The following TSC22D3 variants were observed in gnomAD, a reference collection of about 807,000 sequenced individuals.
TSC22D3 encodes TSC22 domain family protein 3.
TSC22D3 carries 4 observed loss-of-function variants against 11.1 expected under a neutral mutation model. That is an observed-to-expected ratio of 0.36 (90% CI 0.18 to 0.83). The LOEUF (loss-of-function observed/expected upper bound fraction) is 0.83. Among genes scored for constraint, TSC22D3 ranks in the 40% least tolerant of loss-of-function variants. The probability of loss-of-function intolerance (pLI) is 0.48; values close to 1 mark genes in which losing one functional copy is unlikely to be tolerated. For synonymous variants in TSC22D3, 77 were observed against 70.3 expected (o/e 1.10, Z -0.48); for missense variants, 118 against 159.4 (o/e 0.74, Z 1.40).
chrX:107,746,766 G>C (rs972637194), intron 1 of TSC22D3, among the ~76,000 whole-genome samples: 1 of 112,505 alleles, frequency 8.9e-6, no homozygotes, highest in African/African-American at 3.2e-5. Context: ...ACACATTCAT[G>C]TGTGTCCTCC....
chrX:107,768,423 C>T (rs1929761542), intron 1 of TSC22D3, among the ~76,000 whole-genome samples: 1 of 112,432 alleles, frequency 8.9e-6, no homozygotes, highest in South Asian at 3.7e-4. Flanking sequence ...GAGTGTTAAC[C>T]TTCTCTTCAG....
At chrX:107,746,755 C>A (rs909515862) in intron 1 of TSC22D3, among the ~76,000 whole-genome samples, 1 of 112,641 alleles carries the variant, frequency 8.9e-6, no homozygotes, top group East Asian at 2.8e-4. Flanking sequence ...GTTACACATA[C>A]ACACATTCAT....
chrX:107,775,561 C>T lies in TSC22D3; in HGVS notation c.-142G>A, dbSNP rs1930100642. On this transcript the variant is annotated 5_prime_UTR_variant, in exon 1 of 3. Coordinates refer to ENST00000372383, the MANE Select transcript of TSC22D3 (RefSeq NM_198057.3). ...AAGAGTTGGAAATTAGCGCCTAAAG[C>T]CAGCCACCTTCGGCTCGGCCCCCTT... 1.1e-5 allele frequency: 5 copies of T among 473,439 alleles called. No individual in the cohort carries two copies. Among genetic ancestry groups the T allele is most frequent in the South Asian group, 7.1e-5 (2 of 28,215 alleles). 39.0% of individuals were successfully genotyped at this position (473,439 alleles called of 1,213,427 possible). A position where few individuals can be genotyped will look rare whatever the true frequency, so the allele number is the denominator to read the frequency against.
At chrX:107,741,168 G>A (rs2147756035) in intron 1 of TSC22D3, among the ~76,000 whole-genome samples, 1 of 112,468 alleles carries the variant, frequency 8.9e-6, no homozygotes, top group South Asian at 3.7e-4. Context: ...GAACTAGGCA[G>A]CCCCACTGGC....
intron 1 of TSC22D3, among the ~76,000 whole-genome samples, chrX:107,743,295 C>T (rs1928509177): frequency 1.8e-5 from 2 of 112,198 alleles, no homozygotes; most frequent in African/African-American, 3.2e-5. Context: ...GTATTTACCT[C>T]ATGAAGAAAG....
chrX:107,764,780 C>T (rs1052814207), intron 1 of TSC22D3, among the ~76,000 whole-genome samples: 3 of 111,860 alleles, frequency 2.7e-5, no homozygotes, highest in Non-Finnish European at 3.8e-5. Context: ...TAGGAAGCCA[C>T]AGCCCCCAGG....
intron 1 of TSC22D3, among the ~76,000 whole-genome samples, chrX:107,748,746 G>A (rs1032250652): frequency 2.0e-4 from 22 of 112,025 alleles, no homozygotes; most frequent in African/African-American, 6.5e-4. Context: ...CTGCCCTGGC[G>A]GCCTTCACAG....
At chrX:107,754,471 C>A (rs1020568672) in intron 1 of TSC22D3, among the ~76,000 whole-genome samples, 7 of 111,453 alleles carry the variant, frequency 6.3e-5, no homozygotes, top group African/African-American at 2.3e-4. Context: ...TGGGGGGCAG[C>A]CTGGAATTTT....
rs138422461 is a variant in TSC22D3, at chrX:107,728,367, G to A, written c.321-12417C>T. 4.7e-3 allele frequency among the ~76,000 whole-genome samples: 530 copies of A among 112,800 alleles called. 2 individuals are homozygous for A. Among genetic ancestry groups the A allele is most frequent in the African/African-American group, 0.016 (495 of 31,039 alleles). On this transcript the variant is annotated intron_variant, in intron 1 of 2. Coordinates refer to ENST00000372383, the MANE Select transcript of TSC22D3 (RefSeq NM_198057.3). Reference sequence around the variant, plus strand: ...ACCCAAACATAGTTTAATTGAGTAAGTGGCCGCTAATGACCTGGAAGCAAG... The same window carrying A: ...ACCCAAACATAGTTTAATTGAGTAAATGGCCGCTAATGACCTGGAAGCAAG...
chrX:107,720,868 G>A lies in TSC22D3; in HGVS notation c.321-4918C>T, dbSNP rs193008289. ...CAGAATAGCTATGCCAAACCTTGCAGTGAGTGGAAGTTTGTGCTGTACCTA... is the reference window on the plus strand; with the variant it reads ...CAGAATAGCTATGCCAAACCTTGCAATGAGTGGAAGTTTGTGCTGTACCTA... On this transcript the variant is annotated intron_variant, in intron 1 of 2. Coordinates refer to ENST00000372383, the MANE Select transcript of TSC22D3 (RefSeq NM_198057.3). 3.6e-5 allele frequency among the ~76,000 whole-genome samples: 4 copies of A among 111,085 alleles called. No individual in the cohort carries two copies. The East Asian group carries it at 1.1e-3, about 31-fold the overall frequency.
chrX:107,726,734 C>T, intron 1 of TSC22D3, among the ~76,000 whole-genome samples: 1 of 111,004 alleles, frequency 9.0e-6, no homozygotes, highest in Admixed American at 9.6e-5. Flanking sequence ...GGTGGGGCCT[C>T]TGTGGCACGA....
chrX:107,717,139 G>A (rs1927092757), intron 1 of TSC22D3: 1 of 809,185 alleles, frequency 1.2e-6, no homozygotes, highest in Middle Eastern at 6.2e-4. Flanking sequence ...ATGCAAATGA[G>A]TCCTGTACCG....
At chrX:107,750,014 G>GGAAGGCCTATTAAAAAT (rs1366512385) in intron 1 of TSC22D3, among the ~76,000 whole-genome samples, 22 of 111,867 alleles carry the variant, frequency 2.0e-4, no homozygotes, top group Admixed American at 6.6e-4. Flanking sequence ...AGGGGGGCAT[G>GGAAGGCCTATTAAAAAT]GTGGCATGTG....
At chrX:107,747,480 C>A (rs1928725243) in intron 1 of TSC22D3, among the ~76,000 whole-genome samples, 1 of 112,642 alleles carries the variant, frequency 8.9e-6, no homozygotes, top group Non-Finnish European at 1.9e-5. Context: ...ACCTAGCGAC[C>A]AGTGAGTTTT....
rs765624661 is a variant in TSC22D3, at chrX:107,775,374, A to G, written c.46T>C (p.Cys16Arg). ...GCCAGGTCCAGGCAGCAGTTGCAGC[A>G]GTCGAGGCCGACAGGTGAGCGGCAA... Reference protein sequence around the residue: ...LDCRSPVGLDCCNCCLDLAHR... With the variant: ...LDCRSPVGLDRCNCCLDLAHR... Residue 16 changes from cysteine (C) to arginine (R), a missense_variant, in exon 1 of 3, where the codon TGC becomes CGC. Physicochemically the swap from Cys to Arg is radical, Grantham distance 180. Transcript: ENST00000372383. 4 of 1,204,312 alleles carry G rather than the reference A, an allele frequency of 3.3e-6. No individual in the cohort carries two copies. The highest frequency in any genetic ancestry group is 4.6e-4 in the Middle Eastern group (2 of 4,342).
At chrX:107,763,624 G>A (rs909886269) in intron 1 of TSC22D3, among the ~76,000 whole-genome samples, 3 of 111,651 alleles carry the variant, frequency 2.7e-5, no homozygotes, top group African/African-American at 9.8e-5. Flanking sequence ...GTGCCCCACT[G>A]CCTCTGTACA....
chrX:107,716,586 G>A lies in TSC22D3; in HGVS notation c.321-636C>T, dbSNP rs1402735544. 5 of 1,003,284 alleles carry A rather than the reference G, an allele frequency of 5.0e-6. No individual in the cohort carries two copies. The Admixed American group carries it at 2.2e-4, about 45-fold the overall frequency. The allele number at this position is 1,003,284 out of a possible 1,213,427, so 82.7% of individuals were successfully genotyped here. ...CCTTCCCAGGATGCTGCACCGCGGG[G>A]AACAGGGACCGGCGGCACACAGCTC... On this transcript the variant is annotated intron_variant, in intron 1 of 2. Coordinates refer to ENST00000372383, the MANE Select transcript of TSC22D3 (RefSeq NM_198057.3).
At chrX:107,748,619 C>G (rs1928782034) in intron 1 of TSC22D3, among the ~76,000 whole-genome samples, 2 of 111,650 alleles carry the variant, frequency 1.8e-5, no homozygotes, top group Admixed American at 1.9e-4. Context: ...AACTCTTGTT[C>G]CCTTTAACCA....
At chrX:107,747,711 A>G (rs1486187679) in intron 1 of TSC22D3, among the ~76,000 whole-genome samples, 1 of 112,906 alleles carries the variant, frequency 8.9e-6, no homozygotes, top group Non-Finnish European at 1.9e-5. Flanking sequence ...CTGCTATTGA[A>G]TTTCTAAATA....
Sources: gnomAD v4.1 joint callset for allele counts (sites outside exome capture counted in the v4.1 genomes callset) on GRCh38, gnomAD v4.1.1 for gene constraint, MANE v1.5 for transcripts, NCBI Gene and HGNC (gene_info 2026-07-23, HGNC 2026-07-21) for gene names.